FHIT: variants seen among roughly 807,000 people sequenced by gnomAD.
FHIT encodes the protein bis(5'-adenosyl)-triphosphatase.
Under a neutral mutation model 17.9 loss-of-function variants are expected in FHIT, and 19 were observed. The observed-to-expected ratio is 1.06, with a 90% CI of 0.74 to 1.56. The LOEUF (loss-of-function observed/expected upper bound fraction) is 1.56, where lower values mean the gene tolerates loss of function less well. FHIT is among the 40% of genes most tolerant of loss of function. FHIT has a pLI of 0.00. For missense variants in FHIT, 248 were observed against 189.2 expected, an observed-to-expected ratio of 1.31 and a Z score of -1.82; for synonymous variants, 81 against 69.7, an observed-to-expected ratio of 1.16 and a Z score of -0.81.
Position 61,037,025 on chromosome 3 carries a change from C to A in FHIT, c.-111+5022G>T, listed in dbSNP as rs149738415. 1.1e-4 allele frequency among the ~76,000 whole-genome samples: 16 copies of A among 152,018 alleles called. No homozygotes were observed. The East Asian group carries it at 3.1e-3, about 29-fold the overall frequency. On this transcript the variant is annotated intron_variant, in intron 3 of 9. Coordinates refer to ENST00000492590, the MANE Select transcript of FHIT (RefSeq NM_002012.4). The stretch of plus-strand genomic sequence containing the variant: ...CTCCCGAGTTCACGCCACTCTACTG[C>A]CTCAGCCTCTCGAGTACTTGGGACT...
At chr3:60,670,605 C>T (rs1320120262) in intron 4 of FHIT, among the ~76,000 whole-genome samples, 3 of 152,128 alleles carry the variant, frequency 2.0e-5, no homozygotes, top group Non-Finnish European at 4.4e-5. Flanking sequence ...TCAGAAAACA[C>T]AAAATGAGCT....
intron 8 of FHIT, among the ~76,000 whole-genome samples, chr3:59,824,951 C>A (rs1289114351): frequency 1.3e-5 from 2 of 152,164 alleles, no homozygotes; most frequent in Non-Finnish European, 2.9e-5. Context: ...TATTGACGAG[C>A]TTTGCTGTTA....
chr3:61,018,676 A>G (rs2032246272), intron 3 of FHIT, among the ~76,000 whole-genome samples: 1 of 152,192 alleles, frequency 6.6e-6, no homozygotes, highest in South Asian at 2.1e-4. Flanking sequence ...TTTCCAGTAT[A>G]TTTCTCTTTG....
intron 5 of FHIT, among the ~76,000 whole-genome samples, chr3:60,407,260 T>A (rs1032213746): frequency 3.3e-5 from 5 of 152,028 alleles, no homozygotes; most frequent in Non-Finnish European, 5.9e-5. Flanking sequence ...ACCTTGTGCT[T>A]CGGTTGCTAA....
chr3:60,493,874 C>G (rs958493421), intron 5 of FHIT, among the ~76,000 whole-genome samples: 1 of 152,090 alleles, frequency 6.6e-6, no homozygotes, highest in African/African-American at 2.4e-5. Flanking sequence ...AATTCAGGTT[C>G]CTGTGAGTCA....
intron 2 of FHIT, among the ~76,000 whole-genome samples, chr3:61,097,310 G>A (rs550324840): frequency 3.3e-5 from 5 of 152,216 alleles, no homozygotes; most frequent in South Asian, 2.1e-4. Flanking sequence ...CCCGGGAAGC[G>A]CAAACATGTA....
chr3:59,810,978 G>T (rs1347697300), intron 8 of FHIT, among the ~76,000 whole-genome samples: 2 of 152,204 alleles, frequency 1.3e-5, no homozygotes, highest in African/African-American at 4.8e-5. Context: ...AAACATACTT[G>T]TGATGGTCTG....
intron 4 of FHIT, among the ~76,000 whole-genome samples, chr3:60,688,451 G>A (rs1191052667): frequency 7.1e-6 from 1 of 141,692 alleles, no homozygotes; most frequent in Non-Finnish European, 1.5e-5. Flanking sequence ...TTTTTTTTTA[G>A]ACAGAGTTTC....
intron 4 of FHIT, among the ~76,000 whole-genome samples, chr3:60,806,072 T>G (rs1701374217): frequency 6.6e-6 from 1 of 152,220 alleles, no homozygotes; most frequent in South Asian, 2.1e-4. Flanking sequence ...CCTTAAGTCC[T>G]GGCATCCAGA....
chr3:60,112,100 A>T (rs745537434), intron 5 of FHIT, among the ~76,000 whole-genome samples: 1 of 152,236 alleles, frequency 6.6e-6, no homozygotes, highest in Non-Finnish European at 1.5e-5. Context: ...TCATGAAAGC[A>T]TCAATGTGTC....
chr3:60,807,335 G>T (rs1381733930), intron 4 of FHIT, among the ~76,000 whole-genome samples: 1 of 151,938 alleles, frequency 6.6e-6, no homozygotes, highest in African/African-American at 2.4e-5. Flanking sequence ...ATATTTTCTA[G>T]GCTGAAGCAG....
intron 5 of FHIT, among the ~76,000 whole-genome samples, chr3:60,362,285 A>G (rs892153993): frequency 6.6e-6 from 1 of 152,132 alleles, no homozygotes; most frequent in Non-Finnish European, 1.5e-5. Flanking sequence ...CACATTATAC[A>G]TTTTAGATCT....
chr3:60,425,763 C>T (rs1171724342), intron 5 of FHIT, among the ~76,000 whole-genome samples: 12 of 151,778 alleles, frequency 7.9e-5, no homozygotes, highest in Non-Finnish European at 1.5e-4. Flanking sequence ...CAGAATTACA[C>T]ACCACCCAAT....
intron 4 of FHIT, among the ~76,000 whole-genome samples, chr3:60,630,199 T>G (rs1553682073): frequency 6.6e-6 from 1 of 152,174 alleles, no homozygotes; most frequent in African/African-American, 2.4e-5. Flanking sequence ...CTCAGAAACC[T>G]AAAGTGTGTA....
intron 3 of FHIT, among the ~76,000 whole-genome samples, chr3:60,867,953 T>C (rs190956330): frequency 1.1e-4 from 16 of 152,148 alleles, no homozygotes; most frequent in Non-Finnish European, 2.1e-4. Flanking sequence ...TTCCCAAAGA[T>C]GGAGAAAAGC....
intron 8 of FHIT, among the ~76,000 whole-genome samples, chr3:59,824,654 A>G (rs1700913384): frequency 6.6e-6 from 1 of 152,218 alleles, no homozygotes; most frequent in African/African-American, 2.4e-5. Flanking sequence ...ATGAAACTTG[A>G]TACTTCAAAA....
intron 5 of FHIT, among the ~76,000 whole-genome samples, chr3:60,374,182 C>G (rs1269652550): frequency 1.3e-5 from 2 of 152,068 alleles, no homozygotes; most frequent in African/African-American, 4.8e-5. Context: ...AATCTCAAGT[C>G]TTTTAGGAAC....
chr3:60,288,601 G>GTGTGTT (rs1707839669), intron 5 of FHIT, among the ~76,000 whole-genome samples: 1 of 150,040 alleles, frequency 6.7e-6, no homozygotes, highest in Non-Finnish European at 1.5e-5. Context: ...GTGTGTGTGT[G>GTGTGTT]TGTGGAGGGG....
At chr3:59,948,720 G>A (rs1190592784) in intron 7 of FHIT, among the ~76,000 whole-genome samples, 3 of 151,938 alleles carry the variant, frequency 2.0e-5, no homozygotes, top group South Asian at 2.1e-4. Context: ...CCTATGGGCT[G>A]GTGACGTTGA....
Sources: allele counts gnomAD v4.1 joint callset (sites outside exome capture counted in the v4.1 genomes callset), GRCh38; gene constraint gnomAD v4.1.1; transcripts MANE v1.5; gene names NCBI Gene and HGNC (gene_info 2026-07-23, HGNC 2026-07-21).